Variants in IRS1 observed in about 807,000 individuals in gnomAD.
The protein encoded by IRS1 is insulin receptor substrate 1.
IRS1 carries 34 observed loss-of-function variants against 65.6 expected under a neutral mutation model. The ratio of observed to expected loss-of-function variants is 0.52; its 90% CI spans 0.39 to 0.69. IRS1 has a LOEUF of 0.69. IRS1 is among the 30% of genes least tolerant of loss of function. The probability of loss-of-function intolerance (pLI) is 0.00; values close to 1 mark genes in which losing one functional copy is unlikely to be tolerated. For missense variants in IRS1, 1,641 were observed against 1,720.2 expected, an observed-to-expected ratio of 0.95 and a Z score of 0.81; for synonymous variants, 699 against 683.5, an observed-to-expected ratio of 1.02 and a Z score of -0.35.
At position 226,794,948 on chromosome 2, in the gene IRS1, A is replaced by T; in HGVS notation, c.*21+41T>A. The stretch of plus-strand genomic sequence containing the variant: ...AGAACAGAATTCAAGGACAAGGTTA[A>T]AAGCAGTTTTGTCTTCTGACTTTGT... On this transcript the variant is annotated intron_variant, in intron 1 of 1. Coordinates refer to ENST00000305123, the MANE Select transcript of IRS1 (RefSeq NM_005544.3). This position sits in a 1 kb window ranked among gnomAD's most constrained non-coding sequence, Gnocchi z 4.1. 6.4e-7 allele frequency: 1 copy of T among 1,551,140 alleles called. No individual in the cohort carries two copies. Among genetic ancestry groups the T allele is most frequent in the Non-Finnish European group, 8.9e-7 (1 of 1,124,634 alleles).
chr2:226,768,052 T>C (rs577341458), intron 1 of IRS1, among the ~76,000 whole-genome samples: 273 of 152,296 alleles, frequency 1.8e-3, no homozygotes, highest in African/African-American at 6.4e-3. Flanking sequence ...CTGCTCCAGA[T>C]GCACCGGAAC....
chr2:226,766,935 C>T (rs1295370239), intron 1 of IRS1, among the ~76,000 whole-genome samples: 1 of 151,776 alleles, frequency 6.6e-6, no homozygotes, highest in Admixed American at 6.6e-5. Context: ...AGAATTAACA[C>T]CTAAAAGCAA....
chr2:226,797,920 C>T lies in IRS1; in HGVS notation c.819G>A (p.Ser273=), dbSNP rs368766119. 1.2e-6 allele frequency: 2 copies of T among 1,613,868 alleles called. No individual in the cohort carries two copies. The highest frequency in any genetic ancestry group is 1.7e-5 in the Admixed American group (1 of 60,016). The change falls in exon 1 of 2, where the codon TCG becomes TCA. Residue 273 remains serine (S), a synonymous_variant. Transcript: ENST00000305123. This position sits in a 1 kb window ranked among gnomAD's most constrained non-coding sequence, Gnocchi z 8.1. ...CGCTGATGGGGTTAGAGCAGTTGGA[C>T]GAGGACTGGCTCTTGCTGCGAGGGC... ...EFRPRSKSQS[S]SNCSNPISVP... is the part of the protein sequence containing the mutation.
chr2:226,771,951 G>C (rs1057357358), intron 1 of IRS1, among the ~76,000 whole-genome samples: 2 of 152,270 alleles, frequency 1.3e-5, no homozygotes, highest in Non-Finnish European at 2.9e-5. Flanking sequence ...CCCACATGTA[G>C]AACTTTGCTT....
At chr2:226,761,167 C>T (rs1938907625) in intron 1 of IRS1, among the ~76,000 whole-genome samples, 1 of 152,144 alleles carries the variant, frequency 6.6e-6, no homozygotes, top group Non-Finnish European at 1.5e-5. Flanking sequence ...GCTACACCAC[C>T]TAAGTAGCTG....
At chr2:226,748,557 G>A (rs929838371) in intron 1 of IRS1, among the ~76,000 whole-genome samples, 1 of 151,856 alleles carries the variant, frequency 6.6e-6, no homozygotes, top group Non-Finnish European at 1.5e-5. Flanking sequence ...TCTCTAAGAG[G>A]CTATTCCTAA....
intron 1 of IRS1, among the ~76,000 whole-genome samples, chr2:226,773,943 G>A (rs1939215866): frequency 6.6e-6 from 1 of 152,190 alleles, no homozygotes; most frequent in African/African-American, 2.4e-5. Flanking sequence ...TAATTGGATA[G>A]TAGCTGCCCT....
intron 1 of IRS1, among the ~76,000 whole-genome samples, chr2:226,755,377 A>G (rs2106164337): frequency 6.6e-6 from 1 of 152,364 alleles, no homozygotes; most frequent in South Asian, 2.1e-4. Flanking sequence ...AGGGGAAAAC[A>G]ATGACGTTAA....
intron 1 of IRS1, among the ~76,000 whole-genome samples, chr2:226,769,815 A>G (rs191614953): frequency 1.9e-4 from 29 of 152,302 alleles, no homozygotes; most frequent in Non-Finnish European, 2.9e-4. Context: ...TTCTGAATTT[A>G]TCGGTCCATT....
At chr2:226,768,310 A>G (rs1211353193) in intron 1 of IRS1, among the ~76,000 whole-genome samples, 2 of 152,186 alleles carry the variant, frequency 1.3e-5, no homozygotes, top group African/African-American at 4.8e-5. Flanking sequence ...CGAACACAGA[A>G]ACCTACTATC....
chr2:226,770,453 CT>C (rs1346689277), intron 1 of IRS1, among the ~76,000 whole-genome samples: 1 of 152,226 alleles, frequency 6.6e-6, no homozygotes, highest in Non-Finnish European at 1.5e-5. Context: ...CTATTTCTCC[CT>C]CTAGAACATA....
intron 1 of IRS1, among the ~76,000 whole-genome samples, chr2:226,783,407 G>A (rs1175689851): frequency 1.3e-5 from 2 of 152,026 alleles, no homozygotes; most frequent in Non-Finnish European, 2.9e-5. Context: ...TCTTCCTCAT[G>A]CCACATTTTG....
rs1939779305 is a variant in IRS1, at chr2:226,797,890, G to A, written c.849C>T (p.Pro283=). 6.2e-7 allele frequency: 1 copy of A among 1,611,582 alleles called. No homozygotes were observed. The highest frequency in any genetic ancestry group is 8.5e-7 in the Non-Finnish European group (1 of 1,178,720). The part of the protein sequence containing the change: ...SSNCSNPISV[P]LRRHHLNNPP... Reference sequence around the variant, plus strand: ...GATTGTTGAGATGGTGCCGGCGCAGGGGGACGCTGATGGGGTTAGAGCAGT... The same window carrying A: ...GATTGTTGAGATGGTGCCGGCGCAGAGGGACGCTGATGGGGTTAGAGCAGT... Residue 283 remains proline (P), a synonymous_variant, in exon 1 of 2, where the codon CCC becomes CCT. Coordinates refer to ENST00000305123, the MANE Select transcript of IRS1 (RefSeq NM_005544.3). The surrounding 1 kb of genome is among the most constrained non-coding windows in gnomAD (Gnocchi z 8.1).
intron 1 of IRS1, among the ~76,000 whole-genome samples, chr2:226,790,339 A>C (rs979671195): frequency 6.6e-6 from 1 of 152,196 alleles, no homozygotes; most frequent in Non-Finnish European, 1.5e-5. Context: ...GATTTAAAAA[A>C]AAAAAAAAGG....
intron 1 of IRS1, among the ~76,000 whole-genome samples, chr2:226,737,050 T>C (rs1450253986): frequency 6.6e-6 from 1 of 151,496 alleles, no homozygotes; most frequent in Non-Finnish European, 1.5e-5. Context: ...CACTAACTCG[T>C]CATCTAGCAT....
chr2:226,766,311 G>A (rs1011089965), intron 1 of IRS1, among the ~76,000 whole-genome samples: 1 of 149,810 alleles, frequency 6.7e-6, no homozygotes, highest in Non-Finnish European at 1.5e-5. Context: ...TTACAGGCGT[G>A]TGCCACCAAC....
chr2:226,755,771 C>G (rs1399402606), intron 1 of IRS1, among the ~76,000 whole-genome samples: 1 of 152,196 alleles, frequency 6.6e-6, no homozygotes, highest in African/African-American at 2.4e-5. Flanking sequence ...ATTACTGACA[C>G]TCAGGCTTTA....
At chr2:226,751,459 A>G (rs1320873097) in intron 1 of IRS1, among the ~76,000 whole-genome samples, 1 of 151,482 alleles carries the variant, frequency 6.6e-6, no homozygotes, top group African/African-American at 2.4e-5. Flanking sequence ...AATTTTTTGT[A>G]TTTTTAGTAG....
rs913108901 is a variant in IRS1 at position 226,734,635 on chromosome 2, G to A, written c.*1637C>T. ...TTGCTCCTCCCAATAGTAGGGATGC[G>A]AATTCCTGATAGAGAGATAGAGGCT... On this transcript the variant is annotated 3_prime_UTR_variant, in exon 2 of 2. Coordinates refer to ENST00000305123, the MANE Select transcript of IRS1 (RefSeq NM_005544.3). 7.9e-5 allele frequency: 12 copies of A among 152,198 alleles called. No individual in the cohort carries two copies. Among genetic ancestry groups the A allele is most frequent in the African/African-American group, 1.2e-4 (5 of 41,440 alleles). 9.4% of individuals were successfully genotyped at this position (152,198 alleles called of 1,614,324 possible).
Sources: gnomAD v4.1 joint callset for allele counts (sites outside exome capture counted in the v4.1 genomes callset) on GRCh38, gnomAD v4.1.1 for gene constraint, Gnocchi (gnomAD v3.1) non-coding constraint, MANE v1.5 for transcripts, NCBI Gene and HGNC (gene_info 2026-07-23, HGNC 2026-07-21) for gene names.